Variants in ZNF780B observed in about 807,000 individuals in gnomAD.
The protein encoded by ZNF780B is zinc finger protein 780B, also known as zinc finger protein 779.
Under a neutral mutation model 74.1 loss-of-function variants are expected in ZNF780B, and 52 were observed. The observed-to-expected ratio is 0.70, with a 90% CI of 0.56 to 0.88. ZNF780B has a LOEUF of 0.88. ZNF780B is among the 40% of genes least tolerant of loss of function. The pLI, the probability that ZNF780B is intolerant of heterozygous loss-of-function variation, is 0.00. For missense variants in ZNF780B, 953 were observed against 1,007.6 expected, an observed-to-expected ratio of 0.95 and a Z score of 0.73; for synonymous variants, 315 against 324.3, an observed-to-expected ratio of 0.97 and a Z score of 0.31.
At chr19:40,052,285 A>G (rs1365283439) in intron 1 of ZNF780B, among the ~76,000 whole-genome samples, 1 of 152,138 alleles carries the variant, frequency 6.6e-6, no homozygotes. Flanking sequence ...ACCTCTATCC[A>G]CTAGATCTAA....
At position 40,031,962 on chromosome 19, in the gene ZNF780B, C is replaced by T. The variant is rs1002882432; in HGVS notation, c.*2395G>A. 1.4e-5 allele frequency: 6 copies of T among 419,708 alleles called. No individual in the cohort carries two copies. The highest frequency in any genetic ancestry group is 2.3e-5 in the Non-Finnish European group (5 of 213,898). 26.0% of individuals were successfully genotyped at this position (419,708 alleles called of 1,614,324 possible). A position where few individuals can be genotyped will look rare whatever the true frequency, so the allele number is the denominator to read the frequency against. ...GCAAGGACCTGTACTTAAATGTTTT[C>T]TGACAGTACAATATGACATAGAAAT... On this transcript the variant is annotated 3_prime_UTR_variant, in exon 5 of 5. Coordinates refer to ENST00000434248, the MANE Select transcript of ZNF780B (RefSeq NM_001005851.3).
rs768061418 is a variant in ZNF780B at position 40,035,595 on chromosome 19, A to G, written c.1264T>C (p.Cys422Arg). ...ADVKPYECKE[C>R]GKGFNRGANL... ...GCACCACGATTAAAGCCTTTCCCAC[A>G]CTCCTTACATTCATATGGTTTTACA... The change falls in exon 5 of 5, where the codon TGT becomes CGT. Residue 422 changes from cysteine (C) to arginine (R), a missense_variant. Cys to Arg is a radical substitution (Grantham distance 180). Transcript: ENST00000434248. 6.2e-7 allele frequency: 1 copy of G among 1,613,084 alleles called. No individual in the cohort carries two copies. The highest frequency in any genetic ancestry group is 8.5e-7 in the Non-Finnish European group (1 of 1,179,790).
chr19:40,043,822 A>C (rs1054409505), intron 4 of ZNF780B, among the ~76,000 whole-genome samples: 1 of 152,212 alleles, frequency 6.6e-6, no homozygotes. Flanking sequence ...TTCTTTGACT[A>C]GGAAAGGGAA....
chr19:40,034,605 G>A lies in ZNF780B; in HGVS notation c.2254C>T (p.Pro752Ser). ...TTCCCACACTCCTTACATTTAAATG[G>A]CTTCTCACCAGTATGAATGATCTGA... ...QHQIIHTGEK[P>S]FKCKECGKAF... is the part of the protein sequence containing the mutation. The change falls in exon 5 of 5, where the codon CCA becomes TCA. Residue 752 changes from proline to serine, a missense_variant. By Grantham distance (74) the Pro-to-Ser change is moderately conservative. Coordinates refer to ENST00000434248, the MANE Select transcript of ZNF780B (RefSeq NM_001005851.3). 1 of 1,613,868 alleles carries A rather than the reference G, an allele frequency of 6.2e-7. No homozygotes were observed. Among genetic ancestry groups the A allele is most frequent in the East Asian group, 2.2e-5 (1 of 44,854 alleles).
chr19:40,049,045 G>A (rs968280719), intron 2 of ZNF780B: 19 of 432,506 alleles, frequency 4.4e-5, no homozygotes, highest in Middle Eastern at 3.7e-4. Context: ...GCAACATAAC[G>A]AGATGCACTC....
intron 1 of ZNF780B, among the ~76,000 whole-genome samples, chr19:40,053,950 C>T (rs1353356908): frequency 6.6e-6 from 1 of 152,190 alleles, no homozygotes; most frequent in Non-Finnish European, 1.5e-5. Flanking sequence ...GTCCAGAGTT[C>T]GAGACCACCC....
intron 4 of ZNF780B, among the ~76,000 whole-genome samples, chr19:40,037,436 C>T (rs780682446): frequency 6.6e-6 from 1 of 151,954 alleles, no homozygotes; most frequent in Non-Finnish European, 1.5e-5. Context: ...CTAATTTTTA[C>T]TTTATTTTTA....
At chr19:40,054,984 C>A (rs1973422036) in intron 1 of ZNF780B, among the ~76,000 whole-genome samples, 1 of 152,216 alleles carries the variant, frequency 6.6e-6, no homozygotes, top group Admixed American at 6.5e-5. Context: ...AATTTCTGTG[C>A]AATCACTTTC....
intron 2 of ZNF780B, among the ~76,000 whole-genome samples, chr19:40,049,993 C>A (rs1158952223): frequency 6.6e-6 from 1 of 151,846 alleles, no homozygotes; most frequent in Non-Finnish European, 1.5e-5. Flanking sequence ...GTCAGGAGAT[C>A]GAGACCATCC....
At chr19:40,047,925 A>T (rs1033601042) in intron 3 of ZNF780B, among the ~76,000 whole-genome samples, 1 of 152,248 alleles carries the variant, frequency 6.6e-6, no homozygotes, top group Non-Finnish European at 1.5e-5. Context: ...GCACAAAGTT[A>T]AAAATTATTA....
rs1286372749 is a variant in ZNF780B, at chr19:40,036,238, T to G, written c.621A>C (p.Gln207His). ...ECGKAFQLHI[Q>H]LTRHQKFHTG... ...TATGAAATTTCTGATGTCGAGTAAG[T>G]TGTATGTGAAGTTGAAAGGCTTTCC... The change falls in exon 5 of 5, where the codon CAA (glutamine) becomes CAC (histidine). Residue 207 changes from glutamine to histidine, a missense_variant. Transcript: ENST00000434248. 6.2e-7 allele frequency: 1 copy of G among 1,612,150 alleles called. No individual in the cohort carries two copies. Among genetic ancestry groups the G allele is most frequent in the Admixed American group, 1.7e-5 (1 of 59,676 alleles).
chr19:40,036,754 G>A (rs1972345635), intron 4 of ZNF780B, 128 bp from the exon 5 acceptor site: 2 of 603,392 alleles, frequency 3.3e-6, no homozygotes, highest in Non-Finnish European at 2.8e-6. Context: ...AAAGGAAAAG[G>A]GTGCCAATAA....
In ZNF780B at chr19:40,030,707, GA is replaced by G. The variant is rs1971972744; in HGVS notation, c.*3649del. ...CTGACTTCCAACATAGTACTGCCATGATTGCATGATGATAGAGTTTCACCGA... is the reference window on the plus strand; with the variant it reads ...CTGACTTCCAACATAGTACTGCCATGTTGCATGATGATAGAGTTTCACCGA... On this transcript the variant is annotated 3_prime_UTR_variant, in exon 5 of 5. Transcript: ENST00000434248. 1 of 152,148 alleles carries G rather than the reference GA, an allele frequency of 6.6e-6. No homozygotes were observed. The highest frequency in any genetic ancestry group is 2.4e-5 in the African/African-American group (1 of 41,418). 9.4% of individuals were successfully genotyped at this position (152,148 alleles called of 1,614,324 possible). A position where few individuals can be genotyped will look rare whatever the true frequency, so the allele number is the denominator to read the frequency against.
rs1434394794 is a variant in ZNF780B at position 40,031,305 on chromosome 19, T to G, written c.*3052A>C. 1 of 152,278 alleles carries G rather than the reference T, an allele frequency of 6.6e-6. No homozygotes were observed. The highest frequency in any genetic ancestry group is 1.5e-5 in the Non-Finnish European group (1 of 68,064). The allele number at this position is 152,278 out of a possible 1,614,324, so 9.4% of individuals were successfully genotyped here. On this transcript the variant is annotated 3_prime_UTR_variant, in exon 5 of 5. Transcript: ENST00000434248. Reference sequence around the variant, plus strand: ...GGCACGATCTTGGCTCACTGCCACCTCCACCTTCCAATTTCGAGTGATTCT... The same window carrying G: ...GGCACGATCTTGGCTCACTGCCACCGCCACCTTCCAATTTCGAGTGATTCT...
chr19:40,050,626 G>A (rs976313871), intron 1 of ZNF780B, among the ~76,000 whole-genome samples: 1 of 152,246 alleles, frequency 6.6e-6, no homozygotes, highest in Non-Finnish European at 1.5e-5. Context: ...AAGCATGAAT[G>A]CCGAGCACAG....
chr19:40,049,896 G>C (rs1188507649), intron 2 of ZNF780B, among the ~76,000 whole-genome samples: 5 of 152,024 alleles, frequency 3.3e-5, no homozygotes, highest in Admixed American at 2.6e-4. Flanking sequence ...GACAAAGTGG[G>C]GTGTAAGATT....
chr19:40,053,555 T>C (rs556681878), intron 1 of ZNF780B, among the ~76,000 whole-genome samples: 41 of 152,270 alleles, frequency 2.7e-4, no homozygotes, highest in Middle Eastern at 3.4e-3. Flanking sequence ...AATCTACTAC[T>C]GGATATTTAT....
intron 1 of ZNF780B, chr19:40,055,595 G>A (rs1206139699): frequency 6.6e-6 from 1 of 152,154 alleles, no homozygotes; most frequent in Non-Finnish European, 1.5e-5. Context: ...GAAATGAGAA[G>A]GAAATAAAAG....
At chr19:40,042,270 C>A (rs887744885) in intron 4 of ZNF780B, among the ~76,000 whole-genome samples, 1 of 152,166 alleles carries the variant, frequency 6.6e-6, no homozygotes, top group Non-Finnish European at 1.5e-5. Flanking sequence ...CCAAGAGATC[C>A]GCTGTTAGTT....
Sources: gnomAD v4.1 joint callset for allele counts (sites outside exome capture counted in the v4.1 genomes callset) on GRCh38, gnomAD v4.1.1 for gene constraint, MANE v1.5 for transcripts, NCBI Gene and HGNC (gene_info 2026-07-23, HGNC 2026-07-21) for gene names.